Variants in CACNA2D3 observed in about 807,000 individuals in gnomAD.
The protein encoded by CACNA2D3 is voltage-dependent calcium channel subunit alpha-2/delta-3.
A neutral mutation model predicts 160.6 loss-of-function variants in CACNA2D3; 60 were observed. That is an observed-to-expected ratio of 0.37 (90% CI 0.30 to 0.46). The LOEUF is 0.46. Ranked by LOEUF, CACNA2D3 falls within the 20% of genes least tolerant of loss-of-function variation. CACNA2D3 has a pLI of 1.00. For missense variants in CACNA2D3, 1,205 were observed against 1,365.0 expected, an observed-to-expected ratio of 0.88 and a Z score of 1.85; for synonymous variants, 558 against 492.9, an observed-to-expected ratio of 1.13 and a Z score of -1.75.
chr3:54,227,893 C>G (rs1701703562), intron 2 of CACNA2D3, among the ~76,000 whole-genome samples: 1 of 152,138 alleles, frequency 6.6e-6, no homozygotes, highest in Non-Finnish European at 1.5e-5. Context: ...TTTCATGAAG[C>G]TTGACAGAAG....
rs141617429 is a variant in CACNA2D3, at chr3:54,694,341, G to T, written c.1167+52100G>T. Among the ~76,000 whole-genome samples, 862 of 152,292 alleles carry T rather than the reference G, an allele frequency of 5.7e-3. 14 individuals carry two copies. Among genetic ancestry groups the T allele is most frequent in the African/African-American group, 0.02 (824 of 41,552 alleles). On this transcript the variant is annotated intron_variant, in intron 11 of 37. Transcript: ENST00000474759. ...AGGCTATGCTATGTACACACTCTAG[G>T]TGTGTGTAAATACACTCTATGGTGT... is the stretch of plus-strand genomic sequence containing the variant.
At chr3:54,406,047 A>G (rs1340181797) in intron 4 of CACNA2D3, among the ~76,000 whole-genome samples, 1 of 152,152 alleles carries the variant, frequency 6.6e-6, no homozygotes, top group Non-Finnish European at 1.5e-5. Flanking sequence ...CAAAAAGACA[A>G]GTGTTGGTGA....
At chr3:54,612,778 C>A (rs1698769232) in intron 9 of CACNA2D3, among the ~76,000 whole-genome samples, 1 of 152,148 alleles carries the variant, frequency 6.6e-6, no homozygotes, top group Non-Finnish European at 1.5e-5. Context: ...TCTGAGGATG[C>A]CTACCTGCTA....
chr3:54,861,324 A>T (rs1057137715), intron 17 of CACNA2D3, among the ~76,000 whole-genome samples: 2 of 152,120 alleles, frequency 1.3e-5, no homozygotes, highest in Non-Finnish European at 2.9e-5. Context: ...TTCAGAGCAC[A>T]TGGGGTGGCA....
intron 2 of CACNA2D3, among the ~76,000 whole-genome samples, chr3:54,285,203 C>A (rs1702982052): frequency 6.6e-6 from 1 of 152,196 alleles, no homozygotes; most frequent in South Asian, 2.1e-4. Flanking sequence ...TGACAGACGG[C>A]ACCTGGAAAA....
At chr3:54,697,103 C>T (rs1009073058) in intron 11 of CACNA2D3, among the ~76,000 whole-genome samples, 5 of 152,082 alleles carry the variant, frequency 3.3e-5, no homozygotes, top group Non-Finnish European at 2.9e-5. Flanking sequence ...ATGGCAAAAC[C>T]CTGTGTCTAC....
chr3:54,943,259 G>C (rs1218291143), intron 27 of CACNA2D3, among the ~76,000 whole-genome samples: 1 of 151,268 alleles, frequency 6.6e-6, no homozygotes, highest in Non-Finnish European at 1.5e-5. Context: ...AAAAAATCAT[G>C]CCCTGATCCA....
intron 31 of CACNA2D3, among the ~76,000 whole-genome samples, chr3:54,997,143 C>T (rs11715595): frequency 0.45 from 67,915 of 151,836 alleles, 15,646 homozygotes; most frequent in East Asian, 0.56. Context: ...GCACATTCTG[C>T]ACATGTATCC....
At chr3:54,502,891 C>T (rs1009012118) in intron 4 of CACNA2D3, among the ~76,000 whole-genome samples, 1 of 152,126 alleles carries the variant, frequency 6.6e-6, no homozygotes, top group African/African-American at 2.4e-5. Context: ...TAAATCATGC[C>T]AGCACACTCC....
intron 4 of CACNA2D3, among the ~76,000 whole-genome samples, chr3:54,434,514 G>A (rs1479078186): frequency 6.6e-6 from 1 of 152,212 alleles, no homozygotes; most frequent in East Asian, 1.9e-4. Context: ...GGGCTTTTGG[G>A]TGGTCCCAGT....
intron 21 of CACNA2D3, among the ~76,000 whole-genome samples, chr3:54,883,997 G>A (rs961631232): frequency 2.0e-5 from 3 of 151,818 alleles, no homozygotes; most frequent in East Asian, 1.9e-4. Context: ...AGTAATTTTC[G>A]TTTTGTTTTT....
intron 3 of CACNA2D3, among the ~76,000 whole-genome samples, chr3:54,385,071 G>A (rs938961601): frequency 3.9e-5 from 6 of 152,156 alleles, no homozygotes; most frequent in African/African-American, 1.4e-4. Context: ...AACCTTGGAG[G>A]TTTAATCAAG....
At chr3:54,932,876 C>T (rs551149284) in intron 27 of CACNA2D3, among the ~76,000 whole-genome samples, 2 of 152,148 alleles carry the variant, frequency 1.3e-5, no homozygotes, top group African/African-American at 2.4e-5. Context: ...GCCCTTGGCA[C>T]CACAAATCCA....
intron 11 of CACNA2D3, among the ~76,000 whole-genome samples, chr3:54,696,889 G>A (rs924872167): frequency 6.6e-5 from 10 of 152,124 alleles, no homozygotes; most frequent in African/African-American, 1.9e-4. Context: ...TTTGTTTGGG[G>A]AACCCAGTAG....
intron 2 of CACNA2D3, among the ~76,000 whole-genome samples, chr3:54,145,403 T>A (rs888452808): frequency 4.6e-5 from 7 of 152,228 alleles, no homozygotes; most frequent in African/African-American, 1.7e-4. Flanking sequence ...AACTGCAAGC[T>A]CTTTACTGCT....
intron 3 of CACNA2D3, among the ~76,000 whole-genome samples, chr3:54,337,572 T>C (rs1215248960): frequency 6.6e-6 from 1 of 152,220 alleles, no homozygotes; most frequent in East Asian, 1.9e-4. Flanking sequence ...GTAGGCCCTA[T>C]TGAGAAGACT....
At chr3:54,337,345 C>A (rs1432087269) in intron 3 of CACNA2D3, among the ~76,000 whole-genome samples, 1 of 152,224 alleles carries the variant, frequency 6.6e-6, no homozygotes, top group Non-Finnish European at 1.5e-5. Context: ...GGAAACTGAG[C>A]AGGTCCAGCG....
intron 2 of CACNA2D3, among the ~76,000 whole-genome samples, chr3:54,226,448 A>G (rs957735615): frequency 6.6e-6 from 1 of 151,546 alleles, no homozygotes; most frequent in East Asian, 1.9e-4. Flanking sequence ...GACCACAGGC[A>G]TGTGCCACCA....
At chr3:54,581,959 T>C (rs1206773225) in intron 9 of CACNA2D3, 82 bp downstream of exon 9, 1 of 1,173,066 alleles carries the variant, frequency 8.5e-7, no homozygotes, top group Non-Finnish European at 1.2e-6. Flanking sequence ...AAATCTGTCT[T>C]ATCAAATGCA....
Sources: gnomAD v4.1 joint callset for allele counts (sites outside exome capture counted in the v4.1 genomes callset) on GRCh38, gnomAD v4.1.1 for gene constraint, MANE v1.5 for transcripts, NCBI Gene and HGNC (gene_info 2026-07-23, HGNC 2026-07-21) for gene names.